The following GAS2 variants were observed in gnomAD, a reference collection of about 807,000 sequenced individuals.
GAS2 encodes growth arrest-specific protein 2.
Under a neutral mutation model 37.5 loss-of-function variants are expected in GAS2, and 20 were observed. The observed-to-expected ratio is 0.53, with a 90% CI of 0.37 to 0.77. GAS2 has a LOEUF of 0.77. Ranked by LOEUF, GAS2 falls within the 30% of genes least tolerant of loss-of-function variation. The pLI is 0.00. For missense variants in GAS2, 336 were observed against 373.4 expected (o/e 0.90, Z 0.82); for synonymous variants, 144 against 132.2 (o/e 1.09, Z -0.61).
chr11:22,652,502 G>C (rs543872605), intron 1 of GAS2, among the ~76,000 whole-genome samples: 1 of 152,214 alleles, frequency 6.6e-6, no homozygotes, highest in Non-Finnish European at 1.5e-5. Flanking sequence ...GGGCAATGGC[G>C]GGCGCCCCTT....
chr11:22,652,437 G>A (rs886394450), intron 1 of GAS2, among the ~76,000 whole-genome samples: 3 of 152,210 alleles, frequency 2.0e-5, no homozygotes, highest in African/African-American at 7.2e-5. Flanking sequence ...CTTGAGCTGT[G>A]GTGGGCTCCA....
chr11:22,682,900 A>G (rs1185113015), intron 2 of GAS2, among the ~76,000 whole-genome samples: 1 of 131,012 alleles, frequency 7.6e-6, no homozygotes. Flanking sequence ...AAAAAAAAAA[A>G]AAAAGAGAAA....
chr11:22,648,650 G>A lies in GAS2; in HGVS notation c.-21+22837G>A, dbSNP rs1334847327. ...GAAGAGGTCCTTCACATCCTTTGTA[G>A]GTTGGATTCCTAGGTATTTTATTCT... On this transcript the variant is annotated intron_variant, in intron 1 of 5. Coordinates refer to the GAS2 transcript ENST00000528582. 2.6e-5 allele frequency among the ~76,000 whole-genome samples: 4 copies of A among 152,230 alleles called. No individual in the cohort carries two copies. The East Asian group carries it at 5.8e-4, about 22-fold the overall frequency.
chr11:22,761,803 C>T (rs1032485624), intron 7 of GAS2, among the ~76,000 whole-genome samples: 7 of 152,050 alleles, frequency 4.6e-5, no homozygotes, highest in African/African-American at 1.7e-4. Flanking sequence ...AGTAACTTCT[C>T]AAAGTTCTAA....
At chr11:22,701,555 G>A (rs1482698188) in intron 3 of GAS2, among the ~76,000 whole-genome samples, 6 of 152,216 alleles carry the variant, frequency 3.9e-5, no homozygotes, top group African/African-American at 1.2e-4. Context: ...AGGGCTGGGC[G>A]CGGTGGCTCA....
At chr11:22,633,870 G>T (rs758462537) in intron 1 of GAS2, among the ~76,000 whole-genome samples, 2 of 152,136 alleles carry the variant, frequency 1.3e-5, no homozygotes, top group Non-Finnish European at 2.9e-5. Context: ...CCTCATGTAA[G>T]TCTGCACCTG....
chr11:22,806,419 A>G (rs768510338), intron 7 of GAS2, among the ~76,000 whole-genome samples: 1 of 152,164 alleles, frequency 6.6e-6, no homozygotes, highest in Non-Finnish European at 1.5e-5. Flanking sequence ...GGGAGTGCAG[A>G]TATCTGCACT....
chr11:22,684,988 T>C (rs1590630101), intron 2 of GAS2, among the ~76,000 whole-genome samples: 1 of 152,210 alleles, frequency 6.6e-6, no homozygotes, highest in Non-Finnish European at 1.5e-5. Context: ...TACATGGTTC[T>C]ATTTTAAATT....
At chr11:22,794,812 G>A (rs1013850911) in intron 7 of GAS2, among the ~76,000 whole-genome samples, 13 of 152,034 alleles carry the variant, frequency 8.6e-5, no homozygotes, top group Admixed American at 5.2e-4. Flanking sequence ...GAATTTATCC[G>A]TTTGATTTCT....
At chr11:22,798,008 G>T (rs1856508008) in intron 7 of GAS2, among the ~76,000 whole-genome samples, 1 of 152,020 alleles carries the variant, frequency 6.6e-6, no homozygotes, top group African/African-American at 2.4e-5. Flanking sequence ...GTCACTTTAG[G>T]ATGTATAGTT....
intron 3 of GAS2, among the ~76,000 whole-genome samples, chr11:22,707,545 T>A (rs1851187890): frequency 6.6e-6 from 1 of 152,274 alleles, no homozygotes; most frequent in African/African-American, 2.4e-5. Context: ...CTTAGTAGGT[T>A]CTTGTAAGGG....
At chr11:22,686,960 A>C (rs1849990592) in intron 3 of GAS2, among the ~76,000 whole-genome samples, 1 of 152,028 alleles carries the variant, frequency 6.6e-6, no homozygotes, top group Non-Finnish European at 1.5e-5. Context: ...AGCTCTGTGA[A>C]GGTATTAATT....
chr11:22,632,358 A>G (rs1421263602), intron 1 of GAS2, among the ~76,000 whole-genome samples: 1 of 152,178 alleles, frequency 6.6e-6, no homozygotes, highest in African/African-American at 2.4e-5. Context: ...ATTCTGTTTA[A>G]GGAGGCTAAA....
At chr11:22,718,304 ATATATG>A (rs1459701243) in intron 3 of GAS2, among the ~76,000 whole-genome samples, 1 of 151,948 alleles carries the variant, frequency 6.6e-6, no homozygotes, top group African/African-American at 2.4e-5. Context: ...GTTTGTGTGT[ATATATG>A]TATCATGGAA....
intron 1 of GAS2, among the ~76,000 whole-genome samples, chr11:22,659,930 G>T (rs1261590376): frequency 2.1e-5 from 3 of 139,994 alleles, no homozygotes; most frequent in Non-Finnish European, 3.1e-5. Context: ...GGGAGGGAGG[G>T]AAGAAGGAGG....
At chr11:22,690,767 T>G (rs1230180358) in intron 3 of GAS2, among the ~76,000 whole-genome samples, 2 of 152,190 alleles carry the variant, frequency 1.3e-5, no homozygotes, top group Non-Finnish European at 2.9e-5. Context: ...AATTGGCATC[T>G]CTAATCAAGA....
At chr11:22,782,616 A>G (rs935874976) in intron 7 of GAS2, among the ~76,000 whole-genome samples, 2 of 151,540 alleles carry the variant, frequency 1.3e-5, no homozygotes, top group Non-Finnish European at 2.9e-5. Flanking sequence ...TTATGTCCAC[A>G]TGTACCCAGA....
intron 7 of GAS2, among the ~76,000 whole-genome samples, chr11:22,805,388 CT>C (rs1420801904): frequency 1.3e-5 from 2 of 152,044 alleles, no homozygotes; most frequent in Non-Finnish European, 2.9e-5. Context: ...AACATCCACT[CT>C]TTTTGCATTT....
At chr11:22,732,658 C>T (rs1028444998) in intron 4 of GAS2, among the ~76,000 whole-genome samples, 1 of 151,628 alleles carries the variant, frequency 6.6e-6, no homozygotes, top group Non-Finnish European at 1.5e-5. Context: ...ACTGTCTTCA[C>T]TTTCTTGGGA....
Sources: gnomAD v4.1 joint callset for allele counts (sites outside exome capture counted in the v4.1 genomes callset) on GRCh38, gnomAD v4.1.1 for gene constraint, MANE v1.5 for transcripts, NCBI Gene and HGNC (gene_info 2026-07-23, HGNC 2026-07-21) for gene names.